POU2F1: variants seen among roughly 807,000 people sequenced by gnomAD.
POU2F1 encodes POU domain, class 2, transcription factor 1.
Under a neutral mutation model 84.9 loss-of-function variants are expected in POU2F1, and 16 were observed. The observed-to-expected ratio is 0.19, with a 90% CI of 0.13 to 0.29. The LOEUF (loss-of-function observed/expected upper bound fraction) is 0.29. Ranked by LOEUF, POU2F1 falls within the 10% of genes least tolerant of loss-of-function variation. The pLI is 1.00. For synonymous variants in POU2F1, 368 were observed against 368.3 expected (o/e 1.00, Z 0.01); for missense variants, 738 against 942.6 (o/e 0.78, Z 2.84).
intron 7 of POU2F1, among the ~76,000 whole-genome samples, chr1:167,381,900 G>A (rs376075407): frequency 5.3e-5 from 8 of 152,060 alleles, no homozygotes; most frequent in South Asian, 4.2e-4. Context: ...ATGAGCCACC[G>A]CGCCTGGCCC....
At chr1:167,228,089 TA>T (rs1648774234) in intron 1 of POU2F1, among the ~76,000 whole-genome samples, 1 of 152,206 alleles carries the variant, frequency 6.6e-6, no homozygotes, top group Admixed American at 6.5e-5. Context: ...GCGAGACTTT[TA>T]AACCGAGCTT....
Position 167,220,919 on chromosome 1 carries a change from A to T in POU2F1, c.22A>T (p.Ser8Cys). The change falls in exon 1 of 16, where the codon AGT (serine) becomes TGT (cysteine). Residue 8 changes from serine (S) to cysteine (C), a missense_variant. Ser to Cys is a moderately radical substitution (Grantham distance 112). Around this residue, in one of 4 missense-constraint regions of POU2F1, gnomAD observed 161 missense variants for 147.0 expected, o/e 1.10. Coordinates refer to ENST00000367866, the MANE Select transcript of POU2F1 (RefSeq NM_002697.4). MADGGAA[S>C]QDESSAAAAA... ...CAAAATGGCGGACGGAGGAGCAGCG[A>T]GTCAAGATGAGAGTTCAGCCGCGGC... 3 of 1,535,264 alleles carry T rather than the reference A, an allele frequency of 2.0e-6. No individual in the cohort carries two copies. The highest frequency in any genetic ancestry group is 2.6e-6 in the Non-Finnish European group (3 of 1,146,768).
intron 1 of POU2F1, among the ~76,000 whole-genome samples, chr1:167,258,893 T>G (rs964427355): frequency 6.6e-6 from 1 of 152,254 alleles, no homozygotes; most frequent in African/African-American, 2.4e-5. Flanking sequence ...TTATCAAAAC[T>G]TTTGCAAATG....
At chr1:167,321,477 A>G (rs1238861903) in intron 1 of POU2F1, among the ~76,000 whole-genome samples, 8 of 152,208 alleles carry the variant, frequency 5.3e-5, no homozygotes. Flanking sequence ...GTATAACTGA[A>G]TTAATGGCCC....
intron 15 of POU2F1, among the ~76,000 whole-genome samples, chr1:167,415,244 C>T (rs550398838): frequency 3.3e-5 from 5 of 152,288 alleles, no homozygotes; most frequent in African/African-American, 1.2e-4. Context: ...ATTCATTAGA[C>T]AGTTATTAGC....
intron 2 of POU2F1, among the ~76,000 whole-genome samples, chr1:167,354,705 T>A (rs1396667317): frequency 6.6e-6 from 1 of 152,220 alleles, no homozygotes; most frequent in African/African-American, 2.4e-5. Flanking sequence ...ATTAACCGAC[T>A]TTGCAATTTT....
chr1:167,377,841 C>A (rs1482773480), intron 7 of POU2F1, among the ~76,000 whole-genome samples: 1 of 152,126 alleles, frequency 6.6e-6, no homozygotes, highest in African/African-American at 2.4e-5. Context: ...CTCAAGTAGG[C>A]CCTGGTGGCT....
At chr1:167,250,881 C>T (rs1329736950) in intron 1 of POU2F1, among the ~76,000 whole-genome samples, 2 of 152,150 alleles carry the variant, frequency 1.3e-5, no homozygotes, top group African/African-American at 4.8e-5. Flanking sequence ...CCTAATTATG[C>T]TCAGTTTAGG....
chr1:167,316,939 T>C (rs1655947726), intron 1 of POU2F1, among the ~76,000 whole-genome samples: 1 of 152,212 alleles, frequency 6.6e-6, no homozygotes, highest in Non-Finnish European at 1.5e-5. Context: ...TCACCCAGGC[T>C]GGAGTGCAGT....
At chr1:167,340,791 A>T (rs1250983263) in intron 2 of POU2F1, among the ~76,000 whole-genome samples, 1 of 152,160 alleles carries the variant, frequency 6.6e-6, no homozygotes, top group Non-Finnish European at 1.5e-5. Context: ...GAAGTTGAAT[A>T]AAAGACTGAT....
intron 1 of POU2F1, among the ~76,000 whole-genome samples, chr1:167,291,478 C>T (rs1261639498): frequency 1.3e-5 from 2 of 152,102 alleles, no homozygotes; most frequent in African/African-American, 4.8e-5. Context: ...AATTGTTCCA[C>T]TTTTATTTTC....
rs1360295121 is a variant in POU2F1, at chr1:167,375,656, TTTTA to T, written c.592-368_592-365del. 3.9e-5 allele frequency among the ~76,000 whole-genome samples: 6 copies of T among 152,354 alleles called. No homozygotes were observed. The South Asian group carries it at 8.3e-4, about 21-fold the overall frequency. On this transcript the variant is annotated intron_variant, in intron 6 of 15. Transcript: ENST00000367866. ...GAAATTCAGACATAACACGATCAAT[TTTTA>T]TTTAAGAGAAAGATCAATCAAATAT...
chr1:167,374,379 T>C, intron 6 of POU2F1, 83 bp downstream of exon 6: 2 of 1,370,844 alleles, frequency 1.5e-6, no homozygotes, highest in Non-Finnish European at 2.0e-6. Context: ...AACTTTTTGA[T>C]TGTTAGTGTG....
chr1:167,380,782 T>G (rs1471691044), intron 7 of POU2F1: 3 of 152,228 alleles, frequency 2.0e-5, no homozygotes, highest in Non-Finnish European at 4.4e-5. Context: ...CCTAAAACTT[T>G]TGAGATGTAG....
chr1:167,371,158 G>A (rs1376937248), intron 4 of POU2F1, among the ~76,000 whole-genome samples: 1 of 152,120 alleles, frequency 6.6e-6, no homozygotes, highest in East Asian at 1.9e-4. Flanking sequence ...AATTGCCTTG[G>A]TTGCCATGGT....
In POU2F1 at chr1:167,378,843, C is replaced by G. The variant is rs557830944; in HGVS notation, c.718+2688C>G. Among the ~76,000 whole-genome samples, 9 of 152,118 alleles carry G rather than the reference C, an allele frequency of 5.9e-5. No individual in the cohort carries two copies. The South Asian group carries it at 6.2e-4, about 11-fold the overall frequency. The stretch of plus-strand genomic sequence containing the variant: ...TCTTGGCTCACTGCAACCTCTGCCT[C>G]GCGAGTTCAAGCGATTATCCTGACT... On this transcript the variant is annotated intron_variant, in intron 7 of 15. Transcript: ENST00000367866.
In POU2F1 at chr1:167,412,120, T is replaced by G. The variant is rs1288624176; in HGVS notation, c.1717T>G (p.Ser573Ala). ...TGAGACCAGCACAACACAGACCACC[T>G]CCACTCCTTTGTCCTCCCCTCTTGG... ...ASETSTTQTT[S>A]TPLSSPLGTS... is the part of the protein sequence containing the mutation. Residue 573 changes from serine to alanine, a missense_variant, in exon 14 of 16, where the codon TCC becomes GCC. Transcript: ENST00000367866. 1 of 1,613,998 alleles carries G rather than the reference T, an allele frequency of 6.2e-7. No individual in the cohort carries two copies. Among genetic ancestry groups the G allele is most frequent in the Non-Finnish European group, 8.5e-7 (1 of 1,180,026 alleles).
chr1:167,402,160 A>C (rs113274422), intron 13 of POU2F1, among the ~76,000 whole-genome samples: 1 of 152,198 alleles, frequency 6.6e-6, no homozygotes, highest in Non-Finnish European at 1.5e-5. Context: ...TTAAATAGCA[A>C]ATTTTCCAGA....
intron 1 of POU2F1, among the ~76,000 whole-genome samples, chr1:167,272,794 T>C (rs776142514): frequency 6.6e-6 from 1 of 152,068 alleles, no homozygotes; most frequent in Non-Finnish European, 1.5e-5. Context: ...CCAAACCGTA[T>C]CATTCTGCCC....
Sources: allele counts gnomAD v4.1 joint callset (sites outside exome capture counted in the v4.1 genomes callset), GRCh38; gene constraint gnomAD v4.1.1; regional missense constraint gnomAD v4.1.1; transcripts MANE v1.5; gene names NCBI Gene and HGNC (gene_info 2026-07-23, HGNC 2026-07-21).